Variants in PACS2 observed in about 807,000 individuals in gnomAD.
The protein encoded by PACS2 is phosphofurin acidic cluster sorting protein 2, also known as PACS1-like protein.
In PACS2, 36 loss-of-function variants were observed where a neutral mutation model predicts 113.0. That is an observed-to-expected ratio of 0.32 (90% CI 0.24 to 0.42). PACS2 has a LOEUF of 0.42. Among genes scored for constraint, PACS2 ranks in the 10% least tolerant of loss-of-function variants. PACS2 has a pLI of 1.00. For missense variants in PACS2, 1,015 were observed against 1,239.5 expected, an observed-to-expected ratio of 0.82 and a Z score of 2.72; for synonymous variants, 589 against 536.1, an observed-to-expected ratio of 1.10 and a Z score of -1.36.
chr14:105,312,931 T>C (rs116161850), upstream of PACS2, among the ~76,000 whole-genome samples: 2,766 of 152,314 alleles, frequency 0.018, 87 homozygotes, highest in African/African-American at 0.061. Flanking sequence ...GTGTGGGTCA[T>C]ATCCCGACCC....
chr14:105,384,772 T>C (rs2081116183), intron 17 of PACS2, 107 bp from the exon 18 acceptor site: 1 of 743,234 alleles, frequency 1.3e-6, no homozygotes, highest in South Asian at 1.6e-5. Flanking sequence ...CCTGCCGCGC[T>C]TCGGGGTACG....
chr14:105,368,926 C>T (rs1413735464), intron 7 of PACS2, among the ~76,000 whole-genome samples: 2 of 152,250 alleles, frequency 1.3e-5, no homozygotes, highest in East Asian at 1.9e-4. Flanking sequence ...CCTACCTCCA[C>T]GGTCCCCAGG....
intron 1 of PACS2, among the ~76,000 whole-genome samples, chr14:105,343,174 G>A (rs1489681236): frequency 6.6e-5 from 10 of 152,158 alleles, no homozygotes; most frequent in African/African-American, 1.9e-4. Context: ...TGACACGGGC[G>A]TCTCTCACTC....
At chr14:105,382,649 GC>G in intron 14 of PACS2, 68 bp downstream of exon 14, 1 of 1,094,146 alleles carries the variant, frequency 9.1e-7, no homozygotes. Context: ...TCCTGAAGCT[GC>G]CCCCTACCCG....
At chr14:105,393,881 G>T (rs376004889) in intron 24 of PACS2, among the ~76,000 whole-genome samples, 2 of 151,954 alleles carry the variant, frequency 1.3e-5, no homozygotes, top group Admixed American at 1.3e-4. Flanking sequence ...GCGAGCCACC[G>T]CACCTGGCCT....
upstream of PACS2, among the ~76,000 whole-genome samples, chr14:105,310,018 T>C (rs2058304204): frequency 1.3e-5 from 2 of 151,454 alleles, no homozygotes; most frequent in Admixed American, 6.6e-5. Context: ...ACTCCTGACC[T>C]GGAGATCCAC....
intron 1 of PACS2, among the ~76,000 whole-genome samples, chr14:105,306,287 GTTTGTTTTGT>G (rs202210208): frequency 2.6e-4 from 39 of 151,382 alleles, no homozygotes; most frequent in East Asian, 1.2e-3. Flanking sequence ...TTGTTTTTGG[GTTTGTTTTGT>G]TTTGTTTTGT....
chr14:105,377,304 A>C (rs1269661229), intron 9 of PACS2, among the ~76,000 whole-genome samples: 1 of 151,860 alleles, frequency 6.6e-6, no homozygotes, highest in Non-Finnish European at 1.5e-5. Flanking sequence ...TAGAGCTCCC[A>C]TGCTGGGTGC....
chr14:105,330,411 C>T lies in PACS2; in HGVS notation c.119+15374C>T, dbSNP rs2059263644. 2.6e-5 allele frequency among the ~76,000 whole-genome samples: 4 copies of T among 152,120 alleles called. No individual in the cohort carries two copies. The highest frequency in any genetic ancestry group is 4.1e-4 in the South Asian group (2 of 4,820). On this transcript the variant is annotated intron_variant, in intron 1 of 24. Coordinates refer to ENST00000447393, the MANE Select transcript of PACS2 (RefSeq NM_001100913.3). The surrounding 1 kb of genome is among the most constrained non-coding windows in gnomAD (Gnocchi z 6.9). ...GAGGTTGTGAAGGGCGTGTGGGTTC[C>T]GGGAGGCTCACTATAGTGATGTCCT...
At chr14:105,331,997 C>T (rs1030370565) in intron 1 of PACS2, among the ~76,000 whole-genome samples, 2 of 152,230 alleles carry the variant, frequency 1.3e-5, no homozygotes, top group Non-Finnish European at 1.5e-5. Context: ...TGCGATCAGC[C>T]TGCTCCTTGT....
At chr14:105,360,458 A>G (rs2060635404) in intron 4 of PACS2, among the ~76,000 whole-genome samples, 1 of 150,720 alleles carries the variant, frequency 6.6e-6, no homozygotes, top group Non-Finnish European at 1.5e-5. Flanking sequence ...CAGGAGAATC[A>G]CTTTAACCCG....
chr14:105,379,870 C>T, intron 10 of PACS2, 41 bp downstream of exon 10: 1 of 1,566,006 alleles, frequency 6.4e-7, no homozygotes, highest in Non-Finnish European at 8.8e-7. Flanking sequence ...AGACCGTGGT[C>T]TGACTGGGCT....
rs1196883670 is a variant in PACS2, at chr14:105,348,837, T to C, written c.207+257T>C. ...GGGCCTTCCCAGGGCAGAGCTGCCC[T>C]CGAGTCACCTCACAGTGATGGACGG... On this transcript the variant is annotated intron_variant, in intron 2 of 24. Transcript: ENST00000447393. The surrounding 1 kb of genome is among the most constrained non-coding windows in gnomAD (Gnocchi z 6.4). 4 of 438,302 alleles carry C rather than the reference T, an allele frequency of 9.1e-6. No homozygotes were observed. Among genetic ancestry groups the C allele is most frequent in the Non-Finnish European group, 1.7e-5 (4 of 239,070 alleles). The allele number at this position is 438,302 out of a possible 1,614,324, so 27.2% of individuals were successfully genotyped here. A position where few individuals can be genotyped will look rare whatever the true frequency, so the allele number is the denominator to read the frequency against.
chr14:105,312,552 C>T (rs938284337), upstream of PACS2, among the ~76,000 whole-genome samples: 2 of 152,218 alleles, frequency 1.3e-5, no homozygotes, highest in Non-Finnish European at 2.9e-5. Context: ...GCTCCAAACA[C>T]GGGGGTGAGG....
chr14:105,368,513 A>G lies in PACS2; in HGVS notation c.715A>G (p.Ile239Val), dbSNP rs782333563. 1.9e-6 allele frequency: 3 copies of G among 1,613,992 alleles called. No individual in the cohort carries two copies. The highest frequency in any genetic ancestry group is 2.5e-6 in the Non-Finnish European group (3 of 1,179,914). The change falls in exon 7 of 25, where the codon ATT (isoleucine) becomes GTT (valine). Residue 239 changes from isoleucine to valine, a missense_variant. Ile to Val is a conservative substitution (Grantham distance 29). Around this residue, in one of 3 missense-constraint regions of PACS2, gnomAD observed 859 missense variants for 1,056.8 expected, o/e 0.81. Transcript: ENST00000447393. ...VGKPKKQRRS[I>V]VRTTSMTRQQ... Reference sequence around the variant, plus strand: ...GAAGCCGAAGAAGCAGCGGAGATCGATTGTAAGAACGACGTCCATGACCAG... The same window carrying G: ...GAAGCCGAAGAAGCAGCGGAGATCGGTTGTAAGAACGACGTCCATGACCAG...
chr14:105,382,967 C>A, intron 15 of PACS2, 54 bp downstream of exon 15: 1 of 1,041,044 alleles, frequency 9.6e-7, no homozygotes, highest in Non-Finnish European at 1.5e-6. Flanking sequence ...GGGGTCCCTG[C>A]ACCCCCACCT....
At chr14:105,310,416 C>G (rs1224794569), upstream of PACS2, among the ~76,000 whole-genome samples, 1 of 151,544 alleles carries the variant, frequency 6.6e-6, no homozygotes, top group Non-Finnish European at 1.5e-5. Context: ...TGTAGTCCCC[C>G]CTACTCAGGA....
chr14:105,351,135 C>T (rs587735048), intron 2 of PACS2, among the ~76,000 whole-genome samples: 6 of 152,340 alleles, frequency 3.9e-5, no homozygotes, highest in Admixed American at 6.5e-5. Context: ...CTGTGTCCCG[C>T]GCGCCGGCCT....
chr14:105,317,671 T>G lies in PACS2; in HGVS notation c.119+2634T>G, dbSNP rs2058730418. 6.6e-6 allele frequency among the ~76,000 whole-genome samples: 1 copy of G among 152,204 alleles called. No homozygotes were observed. The highest frequency in any genetic ancestry group is 1.5e-5 in the Non-Finnish European group (1 of 68,046). ...TCAGCAGTTTCTTTAGAGATAGTCA[T>G]CCTTTCTCGGCTGTGTTGAGGATGT... On this transcript the variant is annotated intron_variant, in intron 1 of 24. Transcript: ENST00000447393. The surrounding 1 kb of genome is among the most constrained non-coding windows in gnomAD (Gnocchi z 4.2).
Sources: gnomAD v4.1 joint callset for allele counts (sites outside exome capture counted in the v4.1 genomes callset) on GRCh38, gnomAD v4.1.1 for gene constraint, gnomAD v4.1.1 regional missense constraint, Gnocchi (gnomAD v3.1) non-coding constraint, MANE v1.5 for transcripts, NCBI Gene and HGNC (gene_info 2026-07-23, HGNC 2026-07-21) for gene names.